EVI5: variants seen among roughly 807,000 people sequenced by gnomAD.
EVI5 encodes the protein ecotropic viral integration site 5 protein homolog.
A neutral mutation model predicts 112.0 loss-of-function variants in EVI5; 73 were observed. The observed-to-expected ratio is 0.65, with a 90% CI of 0.54 to 0.79. EVI5 has a LOEUF of 0.79. Among genes scored for constraint, EVI5 ranks in the 30% least tolerant of loss-of-function variants. EVI5 has a pLI of 0.00. For synonymous variants in EVI5, 305 were observed against 319.9 expected, an observed-to-expected ratio of 0.95 and a Z score of 0.50; for missense variants, 900 against 968.8, an observed-to-expected ratio of 0.93 and a Z score of 0.94.
At chr1:92,639,803 A>G (rs976239379) in intron 13 of EVI5, among the ~76,000 whole-genome samples, 2 of 152,252 alleles carry the variant, frequency 1.3e-5, no homozygotes, top group African/African-American at 4.8e-5. Flanking sequence ...AAGAGCCTGT[A>G]TAGCCAAGAC....
intron 19 of EVI5, among the ~76,000 whole-genome samples, chr1:92,553,162 G>A (rs989612011): frequency 2.0e-5 from 3 of 151,652 alleles, no homozygotes; most frequent in Non-Finnish European, 4.4e-5. Context: ...ACAGGGTTTC[G>A]CTCTGTCACC....
At chr1:92,619,088 T>G (rs1343662365) in intron 16 of EVI5, among the ~76,000 whole-genome samples, 1 of 152,138 alleles carries the variant, frequency 6.6e-6, no homozygotes, top group African/African-American at 2.4e-5. Context: ...CTTGTGATGG[T>G]TAATACTGAG....
intron 13 of EVI5, among the ~76,000 whole-genome samples, chr1:92,638,823 G>C (rs1215561370): frequency 2.0e-5 from 3 of 152,086 alleles, no homozygotes; most frequent in Non-Finnish European, 4.4e-5. Context: ...AGCCATATAG[G>C]TGTTGAAGAG....
intron 18 of EVI5, among the ~76,000 whole-genome samples, chr1:92,585,110 G>A: frequency 6.6e-6 from 1 of 151,772 alleles, no homozygotes; most frequent in East Asian, 1.9e-4. Flanking sequence ...TGTAATCCCA[G>A]CTACTCAGGA....
At chr1:92,785,623 G>A (rs557353786), upstream of EVI5, among the ~76,000 whole-genome samples, 1 of 152,292 alleles carries the variant, frequency 6.6e-6, no homozygotes, top group Admixed American at 6.5e-5. Flanking sequence ...GCAGAACATG[G>A]GCACGAATAC....
At chr1:92,522,340 T>C (rs1233020354) in intron 19 of EVI5, among the ~76,000 whole-genome samples, 1 of 152,094 alleles carries the variant, frequency 6.6e-6, no homozygotes, top group Non-Finnish European at 1.5e-5. Flanking sequence ...GAAAGGTGGC[T>C]AAGAATTTAT....
chr1:92,616,072 A>G lies in EVI5; in HGVS notation c.1827+8104T>C, dbSNP rs111805895. ...TGCTTGGTTAGTTGAAAGACGGACT[A>G]GAAGATGGCCCACTGTGAGAGAGCT... On this transcript the variant is annotated intron_variant, in intron 16 of 19. Transcript: ENST00000684568. 7.4e-3 allele frequency among the ~76,000 whole-genome samples: 1,130 copies of G among 152,318 alleles called. 14 individuals are homozygous for G. The highest frequency in any genetic ancestry group is 0.026 in the African/African-American group (1,075 of 41,574).
chr1:92,687,965 G>C (rs1668844410), intron 9 of EVI5, among the ~76,000 whole-genome samples: 1 of 152,180 alleles, frequency 6.6e-6, no homozygotes, highest in African/African-American at 2.4e-5. Context: ...CATTGTGGAA[G>C]GCAGTGTGGC....
chr1:92,635,507 T>C (rs555501142), intron 14 of EVI5, among the ~76,000 whole-genome samples: 107 of 152,278 alleles, frequency 7.0e-4, no homozygotes, highest in African/African-American at 2.4e-3. Flanking sequence ...CCTGGTGTGC[T>C]GTTTGCTCAG....
chr1:92,655,762 C>T (rs963098375), intron 13 of EVI5, among the ~76,000 whole-genome samples: 3 of 152,052 alleles, frequency 2.0e-5, no homozygotes, highest in African/African-American at 7.2e-5. Flanking sequence ...GGGATAAAGT[C>T]AACGGGAAGA....
chr1:92,765,215 C>CTTTTTT (rs533143502), intron 1 of EVI5, among the ~76,000 whole-genome samples: 1 of 116,436 alleles, frequency 8.6e-6, no homozygotes, highest in Admixed American at 1.0e-4. Flanking sequence ...TTTTTCCTTC[C>CTTTTTT]TTTTTTTTTT....
At chr1:92,737,563 C>T (rs1677644125) in intron 1 of EVI5, among the ~76,000 whole-genome samples, 1 of 152,030 alleles carries the variant, frequency 6.6e-6, no homozygotes. Context: ...AATGTACATA[C>T]TGTTCAAAGC....
intron 18 of EVI5, among the ~76,000 whole-genome samples, chr1:92,604,398 T>C (rs1329970551): frequency 2.6e-5 from 4 of 151,528 alleles, no homozygotes; most frequent in Non-Finnish European, 5.9e-5. Context: ...AACTAAGATA[T>C]TAGCTTAGGC....
At chr1:92,514,498 T>C (rs1016804800) in intron 19 of EVI5, among the ~76,000 whole-genome samples, 5 of 152,188 alleles carry the variant, frequency 3.3e-5, no homozygotes, top group South Asian at 2.1e-4. Flanking sequence ...TCCTATGTGA[T>C]AGATTTTAGT....
At chr1:92,669,334 G>A (rs1450240105) in intron 10 of EVI5, among the ~76,000 whole-genome samples, 1 of 151,828 alleles carries the variant, frequency 6.6e-6, no homozygotes, top group Non-Finnish European at 1.5e-5. Context: ...GATCACTTGA[G>A]GCCAGAAGTT....
At chr1:92,713,973 A>G in intron 2 of EVI5, 1 of 940,672 alleles carries the variant, frequency 1.1e-6, no homozygotes, top group Non-Finnish European at 1.3e-6. Flanking sequence ...ATTAAAATGC[A>G]ATCCTATTAT....
chr1:92,704,474 G>A, intron 3 of EVI5, 81 bp downstream of exon 3: 1 of 872,110 alleles, frequency 1.1e-6, no homozygotes, highest in South Asian at 2.3e-5. Flanking sequence ...TGTATTTGGG[G>A]TTTTTTTCCC....
chr1:92,736,034 C>A (rs960792772), intron 2 of EVI5, among the ~76,000 whole-genome samples: 1 of 151,202 alleles, frequency 6.6e-6, no homozygotes, highest in African/African-American at 2.4e-5. Context: ...AGATTTTGCA[C>A]TCTAAACCAC....
At chr1:92,522,855 T>C (rs1227193311) in intron 19 of EVI5, among the ~76,000 whole-genome samples, 1 of 152,132 alleles carries the variant, frequency 6.6e-6, no homozygotes, top group Non-Finnish European at 1.5e-5. Flanking sequence ...ACTCCTGGGC[T>C]CAAGTGATCC....
Sources: gnomAD v4.1 joint callset for allele counts (sites outside exome capture counted in the v4.1 genomes callset) on GRCh38, gnomAD v4.1.1 for gene constraint, MANE v1.5 for transcripts, NCBI Gene and HGNC (gene_info 2026-07-23, HGNC 2026-07-21) for gene names.